Variants in RBFOX3 observed in about 807,000 individuals in gnomAD.
RBFOX3 encodes RNA binding fox-1 homolog 3, also known as RNA binding protein fox-1 homolog 3.
Under a neutral mutation model 48.7 loss-of-function variants are expected in RBFOX3, and 17 were observed. That is an observed-to-expected ratio of 0.35 (90% confidence interval 0.24 to 0.52). RBFOX3 has a LOEUF of 0.52. RBFOX3 is among the 20% of genes least tolerant of loss of function. RBFOX3 has a pLI of 0.94. For missense variants in RBFOX3, 382 were observed against 497.5 expected, an observed-to-expected ratio of 0.77 and a Z score of 2.21; for synonymous variants, 212 against 209.5, an observed-to-expected ratio of 1.01 and a Z score of -0.10.
rs972900084 is a variant in RBFOX3, at chr17:79,103,662, G to A, written c.415-408C>T. ...GGGCAGCCCACCCATCTCCACCCTC[G>A]GAGCCCAGGGTAGAGGGTCGTGCCT... On this transcript the variant is annotated intron_variant, in intron 7 of 14. Transcript: ENST00000693108. The surrounding 1 kb of genome is among the most constrained non-coding windows in gnomAD (Gnocchi z 6.1). Among the ~76,000 whole-genome samples, 32 of 152,246 alleles carry A rather than the reference G, an allele frequency of 2.1e-4. No individual in the cohort carries two copies. Among genetic ancestry groups the A allele is most frequent in the African/African-American group, 7.0e-4 (29 of 41,542 alleles).
intron 2 of RBFOX3, among the ~76,000 whole-genome samples, chr17:79,466,268 G>A (rs1311806603): frequency 6.6e-6 from 1 of 152,220 alleles, no homozygotes; most frequent in Non-Finnish European, 1.5e-5. Context: ...ATTGTTCTCT[G>A]GTTGAGCATC....
At chr17:79,455,898 CCT>C (rs1409996081) in intron 2 of RBFOX3, among the ~76,000 whole-genome samples, 2 of 152,154 alleles carry the variant, frequency 1.3e-5, no homozygotes, top group African/African-American at 4.8e-5. Flanking sequence ...GTGGCGTCTG[CCT>C]CTCTCGGACA....
intron 2 of RBFOX3, among the ~76,000 whole-genome samples, chr17:79,348,524 T>C (rs935123431): frequency 4.6e-5 from 7 of 151,032 alleles, no homozygotes; most frequent in Non-Finnish European, 1.0e-4. Context: ...AAGGAGCTAG[T>C]GGTCTTGCTG....
At position 79,418,493 on chromosome 17, in the gene RBFOX3, C is replaced by A. The variant is rs941510912; in HGVS notation, c.-175+63961G>T. On this transcript the variant is annotated intron_variant, in intron 2 of 14. Coordinates refer to ENST00000693108, the MANE Select transcript of RBFOX3 (RefSeq NM_001350451.2). The surrounding 1 kb of genome is among the most constrained non-coding windows in gnomAD (Gnocchi z 5.0). ...GCCGTGTGTGTCAGCCAAGAGCCTG[C>A]GGCCTCTGGCCAAGAGCAAGAAGAA... Among the ~76,000 whole-genome samples, 1 of 152,210 alleles carries A rather than the reference C, an allele frequency of 6.6e-6. No homozygotes were observed. The highest frequency in any genetic ancestry group is 1.5e-5 in the Non-Finnish European group (1 of 68,038).
chr17:79,460,778 C>T (rs372631890), intron 2 of RBFOX3, among the ~76,000 whole-genome samples: 32 of 152,156 alleles, frequency 2.1e-4, no homozygotes, highest in African/African-American at 7.0e-4. Flanking sequence ...TTTGCCCTTC[C>T]ACTTTCCACC....
chr17:79,462,197 C>T (rs538334316), intron 2 of RBFOX3, among the ~76,000 whole-genome samples: 4 of 152,080 alleles, frequency 2.6e-5, no homozygotes, highest in African/African-American at 9.7e-5. Context: ...GACAGTGCCC[C>T]GCAAATAGTA....
At chr17:79,491,628 G>A (rs1485899221) in intron 1 of RBFOX3, among the ~76,000 whole-genome samples, 1 of 152,230 alleles carries the variant, frequency 6.6e-6, no homozygotes, top group Middle Eastern at 3.4e-3. Flanking sequence ...CATAAATAGG[G>A]GGCCAGTTTG....
chr17:79,304,958 C>T (rs2075893821), intron 3 of RBFOX3, among the ~76,000 whole-genome samples: 1 of 152,150 alleles, frequency 6.6e-6, no homozygotes, highest in Non-Finnish European at 1.5e-5. Flanking sequence ...CCTCCCACCG[C>T]GTCTCACACT....
intron 4 of RBFOX3, among the ~76,000 whole-genome samples, chr17:79,129,466 C>T (rs748766193): frequency 1.3e-4 from 14 of 104,048 alleles, no homozygotes; most frequent in Non-Finnish European, 2.1e-4. Context: ...AGCAGGACAA[C>T]GCTCTCTCCT....
rs548220033 is a variant in RBFOX3, at chr17:79,256,730, CAAG to C, written c.-73-20928_-73-20926del. Among the ~76,000 whole-genome samples the C allele has an allele frequency of 5.7e-4, 86 of 152,134 alleles. 1 individual carries two copies. The highest frequency in any genetic ancestry group is 2.0e-3 in the African/African-American group (82 of 41,486). Reference sequence around the variant, plus strand: ...GTCAGGAGTTTGAGACCAGCCTGGCCAAGAAGGAGAAAACCCATCTCCACTAAA... The same window carrying C: ...GTCAGGAGTTTGAGACCAGCCTGGCCAAGGAGAAAACCCATCTCCACTAAA... On this transcript the variant is annotated intron_variant, in intron 3 of 14. Coordinates refer to ENST00000693108, the MANE Select transcript of RBFOX3 (RefSeq NM_001350451.2).
chr17:79,175,000 GC>G (rs1568283545), intron 4 of RBFOX3, among the ~76,000 whole-genome samples: 1 of 152,184 alleles, frequency 6.6e-6, no homozygotes. Flanking sequence ...CCTCTCCGAG[GC>G]CCCCGTGCCA....
At chr17:79,130,585 C>T (rs1311194865) in intron 4 of RBFOX3, among the ~76,000 whole-genome samples, 11 of 152,382 alleles carry the variant, frequency 7.2e-5, no homozygotes. Flanking sequence ...AGGGCTCTCC[C>T]ACAGTGGCGT....
chr17:79,162,447 G>A (rs1036049501), intron 4 of RBFOX3, among the ~76,000 whole-genome samples: 3 of 152,220 alleles, frequency 2.0e-5, no homozygotes, highest in African/African-American at 7.2e-5. Context: ...CACAGAGGAC[G>A]TCAGTGTGGC....
At chr17:79,517,810 A>T (rs2085472976) in intron 1 of RBFOX3, among the ~76,000 whole-genome samples, 1 of 152,046 alleles carries the variant, frequency 6.6e-6, no homozygotes, top group Non-Finnish European at 1.5e-5. Flanking sequence ...GAGACACATG[A>T]TCTCCATCCT....
At chr17:79,224,630 CAG>C (rs1228379119) in intron 4 of RBFOX3, among the ~76,000 whole-genome samples, 1 of 152,360 alleles carries the variant, frequency 6.6e-6, no homozygotes, top group African/African-American at 2.4e-5. Context: ...GCCATCTAAA[CAG>C]AGTCAGCTTG....
intron 4 of RBFOX3, among the ~76,000 whole-genome samples, chr17:79,154,560 T>C (rs1215969135): frequency 6.6e-6 from 1 of 151,464 alleles, no homozygotes; most frequent in African/African-American, 2.4e-5. Flanking sequence ...ACTGGAGAGG[T>C]CTGGCTGAGG....
intron 4 of RBFOX3, among the ~76,000 whole-genome samples, chr17:79,176,838 T>C (rs1280189368): frequency 1.3e-5 from 2 of 151,932 alleles, no homozygotes; most frequent in Admixed American, 6.6e-5. Context: ...ATTAAAAGCA[T>C]GGAAAATTCT....
At position 79,482,845 on chromosome 17, in the gene RBFOX3, C is replaced by T. The variant is rs971157503; in HGVS notation, c.-319-247G>A. 4.6e-5 allele frequency among the ~76,000 whole-genome samples: 7 copies of T among 152,092 alleles called. No homozygotes were observed. The East Asian group carries it at 5.8e-4, about 13-fold the overall frequency. ...TAGGACCCTATTGCCAAACAGCCAC[C>T]GTGCAGTCCATCCCAGGGTCCGCCC... On this transcript the variant is annotated intron_variant, in intron 1 of 14. Coordinates refer to ENST00000693108, the MANE Select transcript of RBFOX3 (RefSeq NM_001350451.2). This position sits in a 1 kb window ranked among gnomAD's most constrained non-coding sequence, Gnocchi z 4.1.
chr17:79,280,183 CAT>C (rs2070003887), intron 3 of RBFOX3, among the ~76,000 whole-genome samples: 2 of 151,190 alleles, frequency 1.3e-5, no homozygotes, highest in African/African-American at 2.4e-5. Flanking sequence ...CTCACACACA[CAT>C]GCACACTTAT....
Sources: gnomAD v4.1 joint callset for allele counts (sites outside exome capture counted in the v4.1 genomes callset) on GRCh38, gnomAD v4.1.1 for gene constraint, Gnocchi (gnomAD v3.1) non-coding constraint, MANE v1.5 for transcripts, NCBI Gene and HGNC (gene_info 2026-07-23, HGNC 2026-07-21) for gene names.